Variants in SLC39A11 observed in about 807,000 individuals in gnomAD.
The protein encoded by SLC39A11 is solute carrier family 39 member 11.
A neutral mutation model predicts 36.1 loss-of-function variants in SLC39A11; 33 were observed. The ratio of observed to expected loss-of-function variants is 0.91; its 90% confidence interval spans 0.69 to 1.22. The LOEUF is 1.22. SLC39A11 is among the 50% of genes most tolerant of loss of function. The pLI, the probability that SLC39A11 is intolerant of heterozygous loss-of-function variation, is 0.00. For synonymous variants in SLC39A11, 166 were observed against 170.3 expected, an observed-to-expected ratio of 0.97 and a Z score of 0.20; for missense variants, 432 against 430.3, an observed-to-expected ratio of 1.00 and a Z score of -0.03.
intron 6 of SLC39A11, among the ~76,000 whole-genome samples, chr17:72,807,660 G>A (rs1440229243): frequency 6.6e-6 from 1 of 152,184 alleles, no homozygotes; most frequent in East Asian, 1.9e-4. Context: ...GAGGTGCTTG[G>A]AAGGGCAGTG....
intron 5 of SLC39A11, among the ~76,000 whole-genome samples, chr17:72,929,700 G>C (rs2466531): frequency 0.37 from 55,886 of 151,908 alleles, 10,631 homozygotes; most frequent in Middle Eastern, 0.47. Context: ...CATAGCAGAC[G>C]ACTCCCTTCC....
rs1567805851 is a variant in SLC39A11, at chr17:72,842,536, G to A, written c.601+7098C>T. On this transcript the variant is annotated intron_variant, in intron 6 of 9. Coordinates refer to ENST00000255559, the MANE Select transcript of SLC39A11 (RefSeq NM_139177.4). ...ATAAGTGATTAGTAGGAACTCAATT[G>A]CTAGGTGATTTTTAATGCCATTCAA... 7.2e-5 allele frequency among the ~76,000 whole-genome samples: 11 copies of A among 152,190 alleles called. No individual in the cohort carries two copies. The South Asian group carries it at 2.3e-3, about 31-fold the overall frequency.
At chr17:72,795,851 T>C (rs897207031) in intron 6 of SLC39A11, among the ~76,000 whole-genome samples, 6 of 152,138 alleles carry the variant, frequency 3.9e-5, no homozygotes, top group African/African-American at 1.4e-4. Context: ...CAAGGACTAT[T>C]ATAAGCTATA....
At chr17:73,089,771 G>A (rs1198567669) in intron 1 of SLC39A11, 1 of 152,320 alleles carries the variant, frequency 6.6e-6, no homozygotes, top group East Asian at 1.9e-4. Flanking sequence ...ATGTCCCCTG[G>A]TCAACTCAGC....
At chr17:72,889,406 T>A (rs2081606244) in intron 5 of SLC39A11, among the ~76,000 whole-genome samples, 1 of 151,920 alleles carries the variant, frequency 6.6e-6, no homozygotes, top group Non-Finnish European at 1.5e-5. Flanking sequence ...TCCCAGCTAC[T>A]TGGAAAGCTG....
chr17:72,837,748 G>A, intron 6 of SLC39A11: 2 of 299,106 alleles, frequency 6.7e-6, no homozygotes, highest in Non-Finnish European at 1.2e-5. Context: ...CAACATCAAC[G>A]AAACTTGGAA....
Position 72,729,891 on chromosome 17 carries a change from G to A in SLC39A11, c.671+6759C>T, listed in dbSNP as rs117270336. On this transcript the variant is annotated intron_variant, in intron 7 of 9. Coordinates refer to ENST00000255559, the MANE Select transcript of SLC39A11 (RefSeq NM_139177.4). ...GCTTGGACTGTGTTAATCTTATGCC[G>A]CCTATGGGCTTAACTGTCGATTAAT... is the stretch of plus-strand genomic sequence containing the variant. Among the ~76,000 whole-genome samples the A allele has an allele frequency of 2.3e-4, 35 of 152,150 alleles. No homozygotes were observed. In the East Asian group the frequency reaches 4.3e-3, roughly 19 times the overall value.
chr17:73,048,388 T>C (rs772693528), intron 3 of SLC39A11, among the ~76,000 whole-genome samples: 3 of 152,222 alleles, frequency 2.0e-5, no homozygotes, highest in Admixed American at 6.5e-5. Flanking sequence ...TATGACTGCA[T>C]AGTATTCCAT....
chr17:73,046,016 T>A (rs1168164726), intron 3 of SLC39A11, among the ~76,000 whole-genome samples: 1 of 152,146 alleles, frequency 6.6e-6, no homozygotes, highest in Non-Finnish European at 1.5e-5. Context: ...CTGTTCCAGA[T>A]CTAGCTGCTA....
chr17:72,977,855 C>T (rs1323948417), intron 4 of SLC39A11, among the ~76,000 whole-genome samples: 3 of 152,192 alleles, frequency 2.0e-5, no homozygotes, highest in Admixed American at 6.5e-5. Context: ...CTGGAGAGCA[C>T]GGCCAGCCAC....
chr17:72,903,989 G>A (rs1319225971), intron 5 of SLC39A11, among the ~76,000 whole-genome samples: 3 of 152,170 alleles, frequency 2.0e-5, no homozygotes, highest in Admixed American at 6.5e-5. Flanking sequence ...ACAGATGCTG[G>A]TCACTCACTC....
At chr17:72,747,992 T>C (rs766100256) in intron 6 of SLC39A11, among the ~76,000 whole-genome samples, 3 of 152,146 alleles carry the variant, frequency 2.0e-5, no homozygotes, top group African/African-American at 7.2e-5. Context: ...AGATGAAAAA[T>C]AGAAGTGTTC....
intron 3 of SLC39A11, chr17:73,068,184 A>T: frequency 4.9e-6 from 6 of 1,216,050 alleles, no homozygotes; most frequent in Non-Finnish European, 5.9e-6. Flanking sequence ...GCAGTGGAAG[A>T]CGGGGGCTCC....
At chr17:72,902,277 A>G (rs1205483796) in intron 5 of SLC39A11, among the ~76,000 whole-genome samples, 1 of 151,918 alleles carries the variant, frequency 6.6e-6, no homozygotes, top group Non-Finnish European at 1.5e-5. Context: ...GTCTCCAAAA[A>G]AAATAAAAAG....
Position 72,849,774 on chromosome 17 carries a change from C to T in SLC39A11, c.461G>A (p.Arg154Lys). 1 of 1,589,884 alleles carries T rather than the reference C, an allele frequency of 6.3e-7. No individual in the cohort carries two copies. The highest frequency in any genetic ancestry group is 8.5e-7 in the Non-Finnish European group (1 of 1,171,938). The change falls in exon 6 of 10, where the codon AGA becomes AAA. Residue 154 changes from arginine (R) to lysine (K), a missense_variant. Arg to Lys is a conservative substitution (Grantham distance 26). Coordinates refer to ENST00000255559, the MANE Select transcript of SLC39A11 (RefSeq NM_139177.4). ...AAGGCCAGTGGCTGCCGCCTTCTTTCTCTGATATGCCTCACCATTCTCACT... is the reference window on the plus strand; with the variant it reads ...AAGGCCAGTGGCTGCCGCCTTCTTTTTCTGATATGCCTCACCATTCTCACT... ...DKSENGEAYQRKKAAATGLPE... is the reference protein window; with the variant it reads ...DKSENGEAYQKKKAAATGLPE...
At chr17:72,721,085 G>A (rs1204938394) in intron 7 of SLC39A11, among the ~76,000 whole-genome samples, 8 of 90,636 alleles carry the variant, frequency 8.8e-5, no homozygotes, top group African/African-American at 3.2e-4. Context: ...GCTGTCCCTC[G>A]CCTTTTTTTT....
At chr17:73,068,334 G>T in intron 3 of SLC39A11, 1 of 551,740 alleles carries the variant, frequency 1.8e-6, no homozygotes. Flanking sequence ...TAGCCACTAT[G>T]TTTCAGGTCT....
Position 72,693,222 on chromosome 17 carries a change from A to T in SLC39A11, c.671+43428T>A, listed in dbSNP as rs921950629. Among the ~76,000 whole-genome samples the T allele has an allele frequency of 5.2e-4, 27 of 51,696 alleles. No individual in the cohort carries two copies. In the Middle Eastern group the frequency reaches 0.045, roughly 87 times the overall value. 33.9% of individuals were successfully genotyped at this position (51,696 alleles called of 152,430 possible). On this transcript the variant is annotated intron_variant, in intron 7 of 9. Transcript: ENST00000255559. ...TGGCCCCCCTCCCCTGGGCCCACCC[A>T]CCCTCCCACTGTCCTCTTGTCCCAG...
At chr17:72,945,867 T>A (rs959246152) in intron 5 of SLC39A11, among the ~76,000 whole-genome samples, 1 of 152,182 alleles carries the variant, frequency 6.6e-6, no homozygotes, top group African/African-American at 2.4e-5. Context: ...GGCTTGCCAA[T>A]GTTTACCTTT....
Sources: allele counts gnomAD v4.1 joint callset (sites outside exome capture counted in the v4.1 genomes callset), GRCh38; gene constraint gnomAD v4.1.1; transcripts MANE v1.5; gene names NCBI Gene and HGNC (gene_info 2026-07-23, HGNC 2026-07-21).